Variants in GRB10 observed in about 807,000 individuals in gnomAD.
GRB10 encodes the protein growth factor receptor bound protein 10.
A neutral mutation model predicts 80.9 loss-of-function variants in GRB10; 20 were observed. That is an observed-to-expected ratio of 0.25 (90% CI 0.17 to 0.36). The LOEUF is 0.36. GRB10 is among the 10% of genes least tolerant of loss of function. The probability of loss-of-function intolerance (pLI) is 1.00; values close to 1 mark genes in which losing one functional copy is unlikely to be tolerated. For missense variants in GRB10, 548 were observed against 747.7 expected, an observed-to-expected ratio of 0.73 and a Z score of 3.12; for synonymous variants, 291 against 291.5, an observed-to-expected ratio of 1.00 and a Z score of 0.02.
At chr7:50,599,332 T>A (rs866880561) in intron 17 of GRB10, among the ~76,000 whole-genome samples, 1 of 152,226 alleles carries the variant, frequency 6.6e-6, no homozygotes, top group South Asian at 2.1e-4. Flanking sequence ...CAGAATCTTG[T>A]GCTGTTTTTC....
chr7:50,604,479 C>T, intron 15 of GRB10, 102 bp from the exon 16 acceptor site: 1 of 971,480 alleles, frequency 1.0e-6, no homozygotes, highest in Non-Finnish European at 1.7e-6. Flanking sequence ...GGGTGCCTGA[C>T]TGGGCTCACA....
intron 13 of GRB10, 25 bp from the exon 14 acceptor site, chr7:50,606,439 T>A (rs1216775691): frequency 6.3e-7 from 1 of 1,593,454 alleles, no homozygotes. Flanking sequence ...CCACAGTTAG[T>A]CACCGGCCCG....
chr7:50,738,386 C>T (rs1384745675), intron 3 of GRB10, among the ~76,000 whole-genome samples: 4 of 152,174 alleles, frequency 2.6e-5, no homozygotes, highest in African/African-American at 7.2e-5. Flanking sequence ...ACCTAAGTGT[C>T]CACTGATGAA....
At chr7:50,621,542 G>A (rs1254568425) in intron 8 of GRB10, among the ~76,000 whole-genome samples, 1 of 152,200 alleles carries the variant, frequency 6.6e-6, no homozygotes, top group Non-Finnish European at 1.5e-5. Flanking sequence ...ATGCAGCTGA[G>A]TGCCCCTGGC....
chr7:50,625,431 C>T (rs1247690833), intron 8 of GRB10, among the ~76,000 whole-genome samples: 31 of 152,072 alleles, frequency 2.0e-4, no homozygotes, highest in Admixed American at 2.0e-3. Context: ...CATGTAGAGA[C>T]ACATGCTGAA....
chr7:50,710,860 A>G (rs1470983476), intron 4 of GRB10: 13 of 1,612,370 alleles, frequency 8.1e-6, no homozygotes, highest in Non-Finnish European at 1.1e-5. Context: ...TGTTCGGTAG[A>G]CAGCGGGCAC....
At chr7:50,765,211 T>C (rs973557911) in intron 2 of GRB10, among the ~76,000 whole-genome samples, 1 of 152,206 alleles carries the variant, frequency 6.6e-6, no homozygotes, top group Non-Finnish European at 1.5e-5. Context: ...CCCTATACTC[T>C]GCCGGTGGGA....
At chr7:50,593,362 G>T (rs1409431701) in intron 18 of GRB10, among the ~76,000 whole-genome samples, 10 of 152,136 alleles carry the variant, frequency 6.6e-5, no homozygotes. Context: ...TCCCTAAGGT[G>T]GTCAAGGGGA....
At chr7:50,612,599 T>C (rs544815962) in intron 13 of GRB10, 142 bp downstream of exon 13, 1 of 706,716 alleles carries the variant, frequency 1.4e-6, no homozygotes, top group East Asian at 2.7e-5. Flanking sequence ...GAAAGATGCT[T>C]AACTACATTT....
intron 7 of GRB10, among the ~76,000 whole-genome samples, chr7:50,653,713 G>A (rs139796761): frequency 6.6e-6 from 1 of 152,206 alleles, no homozygotes; most frequent in Non-Finnish European, 1.5e-5. Context: ...ATCGGGAAGA[G>A]ACTTAAGTTT....
intron 7 of GRB10, among the ~76,000 whole-genome samples, chr7:50,667,812 C>T (rs1217686273): frequency 6.6e-6 from 1 of 152,172 alleles, no homozygotes; most frequent in Non-Finnish European, 1.5e-5. Context: ...AAGCTCTGAT[C>T]CCAAGAAAAA....
In GRB10 at chr7:50,666,283, G is replaced by A. The variant is rs1009984465; in HGVS notation, c.504+3439C>T. 2.0e-5 allele frequency among the ~76,000 whole-genome samples: 3 copies of A among 152,294 alleles called. No individual in the cohort carries two copies. In the East Asian group the frequency reaches 5.8e-4, roughly 29 times the overall value. On this transcript the variant is annotated intron_variant, in intron 7 of 18. Coordinates refer to ENST00000401949, the MANE Select transcript of GRB10 (RefSeq NM_001350814.2). Reference sequence around the variant, plus strand: ...TTTGCGGTCAACCTCTTGGTCTCAGGGTCTGGCAAAACACCCGGCCCGTTG... The same window carrying A: ...TTTGCGGTCAACCTCTTGGTCTCAGAGTCTGGCAAAACACCCGGCCCGTTG...
At chr7:50,597,238 G>C (rs1400691807) in intron 17 of GRB10, among the ~76,000 whole-genome samples, 1 of 152,200 alleles carries the variant, frequency 6.6e-6, no homozygotes, top group Non-Finnish European at 1.5e-5. Context: ...GCACTTTGCA[G>C]GCCTTGTGTG....
At chr7:50,650,292 A>G (rs1351818170) in intron 7 of GRB10, among the ~76,000 whole-genome samples, 1 of 152,234 alleles carries the variant, frequency 6.6e-6, no homozygotes, top group Non-Finnish European at 1.5e-5. Context: ...GACCCATTTC[A>G]GGCACCTAGT....
At chr7:50,710,654 C>T (rs2065750949) in intron 4 of GRB10, among the ~76,000 whole-genome samples, 1 of 152,148 alleles carries the variant, frequency 6.6e-6, no homozygotes, top group African/African-American at 2.4e-5. Context: ...AATGGAAGGA[C>T]TGCACAGCAG....
intron 1 of GRB10, among the ~76,000 whole-genome samples, chr7:50,789,539 A>T (rs369741103): frequency 1.3e-5 from 2 of 151,994 alleles, no homozygotes; most frequent in East Asian, 3.9e-4. Flanking sequence ...TGCCCTGGTC[A>T]AATAGAGCAG....
chr7:50,718,651 C>G (rs1031584636), intron 4 of GRB10, among the ~76,000 whole-genome samples: 2 of 152,108 alleles, frequency 1.3e-5, no homozygotes, highest in Non-Finnish European at 2.9e-5. Context: ...AACTTTACTC[C>G]AAAGTAATTT....
intron 3 of GRB10, among the ~76,000 whole-genome samples, chr7:50,751,018 G>A (rs2074026829): frequency 6.6e-6 from 1 of 152,190 alleles, no homozygotes; most frequent in Non-Finnish European, 1.5e-5. Flanking sequence ...CCCCAAGCCT[G>A]CAAATCAGAC....
intron 17 of GRB10, among the ~76,000 whole-genome samples, chr7:50,596,951 C>G (rs1397872670): frequency 6.6e-6 from 1 of 152,014 alleles, no homozygotes; most frequent in African/African-American, 2.4e-5. Flanking sequence ...AAGAAAGATC[C>G]AATGAAAGCT....
Sources: gnomAD v4.1 joint callset for allele counts (sites outside exome capture counted in the v4.1 genomes callset) on GRCh38, gnomAD v4.1.1 for gene constraint, MANE v1.5 for transcripts, NCBI Gene and HGNC (gene_info 2026-07-23, HGNC 2026-07-21) for gene names.